The following MAN2A1 variants were observed in gnomAD, a reference collection of about 807,000 sequenced individuals.
MAN2A1 encodes alpha-mannosidase 2.
Under a neutral mutation model 142.6 loss-of-function variants are expected in MAN2A1, and 76 were observed. The ratio of observed to expected loss-of-function variants is 0.53; its 90% CI spans 0.44 to 0.65. The LOEUF is 0.65. MAN2A1 is among the 30% of genes least tolerant of loss of function. The pLI, the probability that MAN2A1 is intolerant of heterozygous loss-of-function variation, is 0.00. For missense variants in MAN2A1, 1,311 were observed against 1,365.1 expected (o/e 0.96, Z 0.62); for synonymous variants, 559 against 473.2 (o/e 1.18, Z -2.35).
intron 4 of MAN2A1, among the ~76,000 whole-genome samples, chr5:109,750,484 T>G (rs1274186190): frequency 6.6e-6 from 1 of 152,144 alleles, no homozygotes; most frequent in African/African-American, 2.4e-5. Context: ...GGTATCATAC[T>G]ATTACAATAT....
At chr5:109,810,333 C>T (rs1375016779) in intron 12 of MAN2A1, among the ~76,000 whole-genome samples, 2 of 152,060 alleles carry the variant, frequency 1.3e-5, no homozygotes, top group African/African-American at 4.8e-5. Context: ...GATAGATGTT[C>T]CAATCAAGGA....
chr5:109,729,945 T>C (rs1368045360), intron 4 of MAN2A1, among the ~76,000 whole-genome samples: 1 of 152,120 alleles, frequency 6.6e-6, no homozygotes, highest in Non-Finnish European at 1.5e-5. Context: ...TGAGCCAATA[T>C]AGTGCCACTG....
intron 4 of MAN2A1, among the ~76,000 whole-genome samples, chr5:109,744,932 T>A (rs749176498): frequency 1.7e-4 from 26 of 152,148 alleles, no homozygotes; most frequent in Non-Finnish European, 2.8e-4. Context: ...AGTAAAAAAA[T>A]GATAAATTAC....
intron 17 of MAN2A1, among the ~76,000 whole-genome samples, chr5:109,842,924 GC>G (rs1437162197): frequency 1.3e-5 from 2 of 150,424 alleles, no homozygotes; most frequent in East Asian, 4.0e-4. Context: ...TCCTGCCTCA[GC>G]CTCCCAAGTA....
chr5:109,783,798 A>G (rs1276773184), intron 9 of MAN2A1, among the ~76,000 whole-genome samples: 1 of 149,576 alleles, frequency 6.7e-6, no homozygotes, highest in Non-Finnish European at 1.5e-5. Context: ...AAAAAACATA[A>G]AAGGTGGAAA....
In MAN2A1 at chr5:109,855,285, CT is replaced by C; in HGVS notation, c.3125del (p.Leu1042CysfsTer10). ...LQGEFSPLQS[S>X]LPCDIHLVNL... The stretch of plus-strand genomic sequence containing the variant: ...GGTGAATTCTCTCCATTACAGTCAT[CT>C]TTGCCTTGTGACATTCATCTGGTTA... On this transcript the variant is annotated frameshift_variant, in exon 20 of 22. Transcript: ENST00000261483. LOFTEE classifies it high-confidence loss of function. The C allele has an allele frequency of 6.2e-7, 1 of 1,602,272 alleles. No individual in the cohort carries two copies. The highest frequency in any genetic ancestry group is 8.5e-7 in the Non-Finnish European group (1 of 1,176,164).
chr5:109,778,011 C>G (rs891952028), intron 8 of MAN2A1, among the ~76,000 whole-genome samples: 3 of 151,836 alleles, frequency 2.0e-5, no homozygotes, highest in African/African-American at 4.8e-5. Context: ...TGTTCTCCTT[C>G]CCAAAATTGC....
chr5:109,846,360 G>C (rs548343396), intron 18 of MAN2A1, among the ~76,000 whole-genome samples: 4 of 152,148 alleles, frequency 2.6e-5, no homozygotes, highest in African/African-American at 9.7e-5. Context: ...AGTTGCCTAC[G>C]TTTGCAAAGT....
At chr5:109,800,308 C>A (rs904084631) in intron 12 of MAN2A1, among the ~76,000 whole-genome samples, 1 of 152,134 alleles carries the variant, frequency 6.6e-6, no homozygotes, top group Non-Finnish European at 1.5e-5. Flanking sequence ...ACTGTGTTTA[C>A]CCACTAAATG....
At chr5:109,827,581 T>C (rs1222596877) in intron 16 of MAN2A1, among the ~76,000 whole-genome samples, 1 of 152,244 alleles carries the variant, frequency 6.6e-6, no homozygotes, top group Non-Finnish European at 1.5e-5. Context: ...GTTTGGTATT[T>C]AACTTTTGTT....
intron 16 of MAN2A1, chr5:109,840,643 A>G: frequency 2.2e-6 from 1 of 461,542 alleles, no homozygotes; most frequent in Admixed American, 2.4e-5. Flanking sequence ...TGGGACGTTT[A>G]AACACATTTT....
chr5:109,814,534 T>C (rs1402012394), intron 12 of MAN2A1, among the ~76,000 whole-genome samples: 2 of 152,206 alleles, frequency 1.3e-5, no homozygotes, highest in South Asian at 2.1e-4. Context: ...TCTCTAATCA[T>C]GTTAAAAATT....
rs770124043 is a variant in MAN2A1, at chr5:109,721,206, C to T, written c.535+4942C>T. Among the ~76,000 whole-genome samples the T allele has an allele frequency of 2.6e-4, 39 of 152,166 alleles. 1 individual carries two copies. The highest frequency in any genetic ancestry group is 4.9e-4 in the Non-Finnish European group (33 of 68,020). Reference sequence around the variant, plus strand: ...ATTCTCAGAGGTTGGTGAATTGAAGCTCAGGATTGCCTGATTGTAAAATCT... The same window carrying T: ...ATTCTCAGAGGTTGGTGAATTGAAGTTCAGGATTGCCTGATTGTAAAATCT... On this transcript the variant is annotated intron_variant, in intron 3 of 21. Transcript: ENST00000261483.
chr5:109,833,901 G>A (rs1754995540), intron 16 of MAN2A1, among the ~76,000 whole-genome samples: 1 of 152,190 alleles, frequency 6.6e-6, no homozygotes, highest in Non-Finnish European at 1.5e-5. Context: ...TGGAAACCAT[G>A]TGTTTTGCAG....
intron 9 of MAN2A1, among the ~76,000 whole-genome samples, chr5:109,782,248 A>C (rs904561564): frequency 6.6e-6 from 1 of 152,320 alleles, no homozygotes; most frequent in Admixed American, 6.5e-5. Flanking sequence ...TAAAAACACT[A>C]AACTGACACT....
chr5:109,801,603 C>G (rs1053811770), intron 12 of MAN2A1, among the ~76,000 whole-genome samples: 1 of 152,118 alleles, frequency 6.6e-6, no homozygotes, highest in South Asian at 2.1e-4. Context: ...TTAACTAGAT[C>G]AAAAAGCAGC....
chr5:109,726,052 G>T (rs889107778), intron 3 of MAN2A1, among the ~76,000 whole-genome samples: 5 of 152,044 alleles, frequency 3.3e-5, no homozygotes, highest in African/African-American at 1.2e-4. Flanking sequence ...TGTTAGAATG[G>T]AAAAGAATAA....
At chr5:109,813,698 T>C (rs539156502) in intron 12 of MAN2A1, among the ~76,000 whole-genome samples, 7 of 152,324 alleles carry the variant, frequency 4.6e-5, no homozygotes, top group African/African-American at 1.4e-4. Context: ...CTGATTAGAT[T>C]TACCTCAAAG....
intron 4 of MAN2A1, among the ~76,000 whole-genome samples, chr5:109,749,836 A>T (rs972150453): frequency 7.2e-5 from 11 of 152,056 alleles, no homozygotes; most frequent in Admixed American, 6.6e-4. Context: ...GAACACTGTG[A>T]ATGGAAAGAC....
Sources: gnomAD v4.1 joint callset for allele counts (sites outside exome capture counted in the v4.1 genomes callset) on GRCh38, gnomAD v4.1.1 for gene constraint, MANE v1.5 for transcripts, NCBI Gene and HGNC (gene_info 2026-07-23, HGNC 2026-07-21) for gene names.